Variants in TMEM184A observed in about 807,000 individuals in gnomAD.
TMEM184A encodes the protein transmembrane protein 184A, also known as sexually dimorphic, expressed in male gonads 1.
In TMEM184A, 40 loss-of-function variants were observed where a neutral mutation model predicts 39.5. The ratio of observed to expected loss-of-function variants is 1.01; its 90% CI spans 0.79 to 1.32. TMEM184A has a LOEUF of 1.32. Ranked by LOEUF, TMEM184A falls within the 40% of genes most tolerant of loss-of-function variation. TMEM184A has a pLI of 0.00. For synonymous variants in TMEM184A, 280 were observed against 252.3 expected, an observed-to-expected ratio of 1.11 and a Z score of -1.04; for missense variants, 603 against 568.8, an observed-to-expected ratio of 1.06 and a Z score of -0.61.
chr7:1,551,148 TGGGCGCAGGA>T (rs1346328260), intron 2 of TMEM184A, among the ~76,000 whole-genome samples, 166 bp from the exon 3 acceptor site: 32 of 48,902 alleles, frequency 6.5e-4, no homozygotes, highest in Non-Finnish European at 5.9e-4. Flanking sequence ...GAGGTGGGGG[TGGGCGCAGGA>T]GGGTTCGCGT....
Position 1,552,588 on chromosome 7 carries a change from G to A in TMEM184A, c.220-1606C>T, listed in dbSNP as rs112807993. 1.1e-4 allele frequency among the ~76,000 whole-genome samples: 17 copies of A among 149,754 alleles called. 2 individuals carry two copies. Among genetic ancestry groups the A allele is most frequent in the East Asian group, 7.9e-4 (4 of 5,058 alleles). ...TTGTTCTTAGCCTGGGAATGGGAAC[G>A]CTCACTCATTCCTTCATTCAGCAGG... On this transcript the variant is annotated intron_variant, in intron 2 of 8. Transcript: ENST00000297477.
Position 1,549,951 on chromosome 7 carries a change from G to A in TMEM184A, c.553-6C>T, listed in dbSNP as rs1784519889. The A allele has an allele frequency of 6.2e-7, 1 of 1,612,508 alleles. No homozygotes were observed. Among genetic ancestry groups the A allele is most frequent in the African/African-American group, 1.3e-5 (1 of 75,026 alleles). On this transcript the variant is annotated splice_polypyrimidine_tract_variant and splice_region_variant and intron_variant, in intron 5 of 8. Transcript: ENST00000297477. The stretch of plus-strand genomic sequence containing the variant: ...AGGCAGAACTGCAGAGTGGCCTGGG[G>A]GCGACGGCACCCGGTGGGCCTGGGG...
In TMEM184A at chr7:1,547,826, AGAT is replaced by A; in HGVS notation, c.925_927del (p.Ile309del). 3 of 1,612,532 alleles carry A rather than the reference AGAT, an allele frequency of 1.9e-6. No homozygotes were observed. Among genetic ancestry groups the A allele is most frequent in the South Asian group, 2.2e-5 (2 of 90,994 alleles). ...ACGGAGGCGAACAGCATCTCCACGC[AGAT>A]GATGAAGTTCTGGTAGCCGGCGGCC... On this transcript the variant is annotated inframe_deletion, in exon 8 of 9. Coordinates refer to ENST00000297477, the MANE Select transcript of TMEM184A (RefSeq NM_001097620.2).
chr7:1,546,741 C>A lies in TMEM184A; in HGVS notation c.*211G>T, dbSNP rs1057449422. ...CGATTGGCTCAGGTGCCCTCTCCTGCGGTGGCGGGCCCACCTGGGTGCCTG... is the reference window on the plus strand; with the variant it reads ...CGATTGGCTCAGGTGCCCTCTCCTGAGGTGGCGGGCCCACCTGGGTGCCTG... On this transcript the variant is annotated 3_prime_UTR_variant, in exon 9 of 9. Transcript: ENST00000297477. The A allele has an allele frequency of 3.8e-6, 2 of 524,248 alleles. No individual in the cohort carries two copies. Among genetic ancestry groups the A allele is most frequent in the Non-Finnish European group, 6.7e-6 (2 of 298,162 alleles). 32.5% of individuals were successfully genotyped at this position (524,248 alleles called of 1,614,324 possible). A position where few individuals can be genotyped will look rare whatever the true frequency, so the allele number is the denominator to read the frequency against.
At chr7:1,550,256 C>G in intron 4 of TMEM184A, 49 bp downstream of exon 4, 1 of 1,607,926 alleles carries the variant, frequency 6.2e-7, no homozygotes, top group Non-Finnish European at 8.5e-7. Flanking sequence ...CCGCCGGGCT[C>G]CCTGTCCCAG....
In TMEM184A at chr7:1,550,126, C is replaced by T. The variant is rs1332006874; in HGVS notation, c.549G>A (p.Lys183=). 6.2e-7 allele frequency: 1 copy of T among 1,602,928 alleles called. No individual in the cohort carries two copies. The highest frequency in any genetic ancestry group is 8.5e-7 in the Non-Finnish European group (1 of 1,175,726). ...GCAGGGCTGGGTGGCCCCTCACCTG[C>T]TTACAGAAGCGCAGGAACCCGATGG... The part of the protein sequence containing the change: ...TYSIGFLRFC[K]QATLQFCLVK... Residue 183 remains lysine, a synonymous_variant, in exon 5 of 9, where the codon AAG becomes AAA. Coordinates refer to ENST00000297477, the MANE Select transcript of TMEM184A (RefSeq NM_001097620.2).
intron 8 of TMEM184A, 46 bp from the exon 9 acceptor site, chr7:1,547,227 A>C: frequency 1.7e-6 from 2 of 1,171,104 alleles, no homozygotes; most frequent in Non-Finnish European, 2.4e-6. Context: ...CCTGCACTCC[A>C]GCTCCCCGGA....
Position 1,547,821 on chromosome 7 carries a change from C to T in TMEM184A, c.933G>A (p.Val311=), listed in dbSNP as rs779469347. 16 of 1,612,700 alleles carry T rather than the reference C, an allele frequency of 9.9e-6. No individual in the cohort carries two copies. The highest frequency in any genetic ancestry group is 1.7e-4 in the Middle Eastern group (1 of 6,058). ...GGGCCACGGAGGCGAACAGCATCTC[C>T]ACGCAGATGATGAAGTTCTGGTAGC... ...AAGYQNFIIC[V]EMLFASVALR... is the part of the protein sequence containing the mutation. The change falls in exon 8 of 9, where the codon GTG becomes GTA. Residue 311 remains valine (V), a synonymous_variant. Transcript: ENST00000297477.
rs1224743308 is a variant in TMEM184A at position 1,544,170 on chromosome 7, GCTC to G, written c.*2779_*2781del. 6.6e-6 allele frequency: 1 copy of G among 152,278 alleles called. No homozygotes were observed. The highest frequency in any genetic ancestry group is 1.5e-5 in the Non-Finnish European group (1 of 68,074). 9.4% of individuals were successfully genotyped at this position (152,278 alleles called of 1,614,324 possible). On this transcript the variant is annotated 3_prime_UTR_variant, in exon 9 of 9. Transcript: ENST00000297477. ...CACCCTGCGGCTCTGGGCCCAGCCT[GCTC>G]CTCCTGGGGGAGCCGACGGGTGTGA...
chr7:1,543,033 C>A lies in TMEM184A; in HGVS notation c.*3919G>T, dbSNP rs3177192. The A allele has an allele frequency of 6.6e-6, 1 of 152,546 alleles. No homozygotes were observed. Among genetic ancestry groups the A allele is most frequent in the Non-Finnish European group, 1.5e-5 (1 of 68,066 alleles). 9.4% of individuals were successfully genotyped at this position (152,546 alleles called of 1,614,324 possible). On this transcript the variant is annotated 3_prime_UTR_variant, in exon 9 of 9. Transcript: ENST00000297477. Reference sequence around the variant, plus strand: ...TTGTACCTTTGCAATAAAGAATTTTCTGGTTTCAGACCCTTTCGTTGCGTA... The same window carrying A: ...TTGTACCTTTGCAATAAAGAATTTTATGGTTTCAGACCCTTTCGTTGCGTA...
chr7:1,547,693 G>A (rs763498080), intron 8 of TMEM184A, 49 bp downstream of exon 8: 81 of 1,556,410 alleles, frequency 5.2e-5, no homozygotes, highest in Admixed American at 2.5e-4. Flanking sequence ...CACGGTGCCC[G>A]GGGCAGGGCT....
intron 2 of TMEM184A, among the ~76,000 whole-genome samples, chr7:1,551,327 G>T (rs1408930918): frequency 3.6e-5 from 5 of 140,428 alleles, no homozygotes; most frequent in Non-Finnish European, 6.1e-5. Context: ...ACAAGCCCAG[G>T]TGAGCCGGGA....
Position 1,545,037 on chromosome 7 carries a change from A to G in TMEM184A, c.*1915T>C, listed in dbSNP as rs1784299275. The G allele has an allele frequency of 6.6e-6, 1 of 152,238 alleles. No individual in the cohort carries two copies. The highest frequency in any genetic ancestry group is 2.1e-4 in the South Asian group (1 of 4,830). The allele number at this position is 152,238 out of a possible 1,614,324, so 9.4% of individuals were successfully genotyped here. ...CTCCAGAAAGGGAGCCCTCGGCCAC[A>G]CACCCTCCAAACGCAGATTTGAGCA... On this transcript the variant is annotated 3_prime_UTR_variant, in exon 9 of 9. Transcript: ENST00000297477.
In TMEM184A at chr7:1,550,846, T is replaced by G; in HGVS notation, c.356A>C (p.Tyr119Ser). Residue 119 changes from tyrosine (Y) to serine (S), a missense_variant, in exon 3 of 9, where the codon TAC (tyrosine) becomes TCC (serine). Transcript: ENST00000297477. ...GTAGCAGTCCCGCACAGAGTCGAAG[T>G]AGACGTAGTACTGGTGGTCTCCGAG... The part of the protein sequence containing the change: ...LLLGDHQYYV[Y>S]FDSVRDCYEA... 1 of 1,613,408 alleles carries G rather than the reference T, an allele frequency of 6.2e-7. No individual in the cohort carries two copies. Among genetic ancestry groups the G allele is most frequent in the South Asian group, 1.1e-5 (1 of 91,084 alleles).
chr7:1,546,952 CT>C lies in TMEM184A; in HGVS notation c.1241del (p.Ter414TrpfsTer41), dbSNP rs1303557321. Reference protein sequence around the residue: ...KRMLIPSEDL* With the variant: ...KRMLIPSEDLX ...TACAGCACTGGCAGCCCAGGCCCCC[CT>C]ACAGGTCCTCCGAGGGGATCAGCAT... On this transcript the variant is annotated frameshift_variant and stop_lost, in exon 9 of 9. Transcript: ENST00000297477. LOFTEE classifies it high-confidence loss of function. 1.3e-6 allele frequency: 2 copies of C among 1,564,940 alleles called. No individual in the cohort carries two copies. Among genetic ancestry groups the C allele is most frequent in the East Asian group, 2.3e-5 (1 of 44,326 alleles).
rs766049454 is a variant in TMEM184A, at chr7:1,555,442, G to A, written c.43C>T (p.Leu15=). The A allele has an allele frequency of 4.3e-5, 69 of 1,610,054 alleles. No individual in the cohort carries two copies. In the African/African-American group the frequency reaches 8.3e-4, roughly 19 times the overall value. The change falls in exon 2 of 9, where the codon CTG becomes TTG. Residue 15 remains leucine (L), a synonymous_variant. Transcript: ENST00000297477. This position sits in a 1 kb window ranked among gnomAD's most constrained non-coding sequence, Gnocchi z 5.2. Reference sequence around the variant, plus strand: ...GGCTGCGGCCAGTTCGCTGACACCAGGGGGACGCCGGCTGTCTCCAGGATC... The same window carrying A: ...GGCTGCGGCCAGTTCGCTGACACCAAGGGGACGCCGGCTGTCTCCAGGATC... The part of the protein sequence containing the change: ...SGILETAGVP[L]VSANWPQPSP...
Position 1,542,831 on chromosome 7 carries a change from G to T in TMEM184A, c.*4121C>A, listed in dbSNP as rs542683052. 8.5e-5 allele frequency: 13 copies of T among 152,762 alleles called. No homozygotes were observed. The highest frequency in any genetic ancestry group is 2.9e-4 in the African/African-American group (12 of 41,582). 9.5% of individuals were successfully genotyped at this position (152,762 alleles called of 1,614,324 possible). On this transcript the variant is annotated 3_prime_UTR_variant, in exon 9 of 9. Coordinates refer to ENST00000297477, the MANE Select transcript of TMEM184A (RefSeq NM_001097620.2). The stretch of plus-strand genomic sequence containing the variant: ...CACGCCGCCACACCGCCTCACCCTG[G>T]CTTCTGTGCTACTTGGCAGTTCCAT...
rs894401355 is a variant in TMEM184A, at chr7:1,545,077, G to A, written c.*1875C>T. 14 of 152,146 alleles carry A rather than the reference G, an allele frequency of 9.2e-5. No homozygotes were observed. Among genetic ancestry groups the A allele is most frequent in the African/African-American group, 2.2e-4 (9 of 41,434 alleles). 9.4% of individuals were successfully genotyped at this position (152,146 alleles called of 1,614,324 possible). A position where few individuals can be genotyped will look rare whatever the true frequency, so the allele number is the denominator to read the frequency against. On this transcript the variant is annotated 3_prime_UTR_variant, in exon 9 of 9. Transcript: ENST00000297477. ...AGATTTGAGCAACTTGACCCCTATCGGGGTGGCCTTCCCCACGGCAAGGGC... is the reference window on the plus strand; with the variant it reads ...AGATTTGAGCAACTTGACCCCTATCAGGGTGGCCTTCCCCACGGCAAGGGC...
chr7:1,548,372 G>A (rs1784431427), intron 7 of TMEM184A, 147 bp downstream of exon 7: 5 of 979,278 alleles, frequency 5.1e-6, no homozygotes, highest in Admixed American at 2.8e-5. Flanking sequence ...ATGCCCGCAG[G>A]TTCTACCCTG....
Sources: gnomAD v4.1 joint callset for allele counts (sites outside exome capture counted in the v4.1 genomes callset) on GRCh38, gnomAD v4.1.1 for gene constraint, Gnocchi (gnomAD v3.1) non-coding constraint, MANE v1.5 for transcripts, NCBI Gene and HGNC (gene_info 2026-07-23, HGNC 2026-07-21) for gene names.